The following MFSD2B variants were observed in gnomAD, a reference collection of about 807,000 sequenced individuals.
MFSD2B encodes the protein MFSD2 lysolipid transporter B, sphingolipid.
A neutral mutation model predicts 58.4 loss-of-function variants in MFSD2B; 56 were observed. The ratio of observed to expected loss-of-function variants is 0.96; its 90% confidence interval spans 0.77 to 1.20. MFSD2B has a LOEUF of 1.20. Among genes scored for constraint, MFSD2B ranks in the 50% most tolerant of loss-of-function variants. MFSD2B has a pLI of 0.00. For synonymous variants in MFSD2B, 287 were observed against 294.4 expected (o/e 0.97, Z 0.26); for missense variants, 645 against 667.6 (o/e 0.97, Z 0.37).
In MFSD2B at chr2:24,023,316, C is replaced by G; in HGVS notation, c.1169+77C>G. On this transcript the variant is annotated intron_variant, in intron 11 of 13. Transcript: ENST00000338315. This position sits in a 1 kb window ranked among gnomAD's most constrained non-coding sequence, Gnocchi z 5.0. ...TCATGTAAACCTGCCGTCCCAGGCC[C>G]CCTGCACCCAGCCTGTGCAGGAGAT... The G allele has an allele frequency of 8.1e-7, 1 of 1,239,400 alleles. No individual in the cohort carries two copies. The highest frequency in any genetic ancestry group is 1.2e-5 in the South Asian group (1 of 81,340). 76.8% of individuals were successfully genotyped at this position (1,239,400 alleles called of 1,614,324 possible).
chr2:24,025,386 C>A, intron 13 of MFSD2B, 46 bp from the exon 14 acceptor site: 1 of 1,528,812 alleles, frequency 6.5e-7, no homozygotes, highest in Non-Finnish European at 8.8e-7. Context: ...GACAGAGGGC[C>A]CACACCACTT....
intron 6 of MFSD2B, among the ~76,000 whole-genome samples, chr2:24,018,003 C>T (rs111730556): frequency 3.5e-4 from 54 of 152,284 alleles, no homozygotes; most frequent in African/African-American, 9.6e-4. Flanking sequence ...GCCCCCAACC[C>T]GCAGCATGAA....
intron 2 of MFSD2B, among the ~76,000 whole-genome samples, chr2:24,014,497 G>C (rs1558320396): frequency 6.6e-6 from 1 of 152,130 alleles, no homozygotes; most frequent in East Asian, 1.9e-4. Flanking sequence ...GAAGTCAACA[G>C]ACTACACTAA....
chr2:24,011,052 A>ACGACTCT (rs1558318043), intron 1 of MFSD2B, among the ~76,000 whole-genome samples: 1 of 152,202 alleles, frequency 6.6e-6, no homozygotes, highest in Non-Finnish European at 1.5e-5. Flanking sequence ...GAATCCTCTT[A>ACGACTCT]CGACTCTCCG....
In MFSD2B at chr2:24,026,094, G is replaced by A. The variant is rs74425448; in HGVS notation, c.*638G>A. 8.6e-3 allele frequency: 1,316 copies of A among 152,542 alleles called. 10 individuals are homozygous for A. The highest frequency in any genetic ancestry group is 0.038 in the South Asian group (185 of 4,828). The allele number at this position is 152,542 out of a possible 1,614,324, so 9.4% of individuals were successfully genotyped here. A position where few individuals can be genotyped will look rare whatever the true frequency, so the allele number is the denominator to read the frequency against. ...AGCTGGGATTACAGACACAGCCCCC[G>A]TTCCCAGCTCTAGCATTTCTTAAGG... On this transcript the variant is annotated 3_prime_UTR_variant, in exon 14 of 14. Transcript: ENST00000338315.
chr2:24,011,540 G>A (rs1260873415), intron 1 of MFSD2B, among the ~76,000 whole-genome samples: 1 of 152,170 alleles, frequency 6.6e-6, no homozygotes, highest in African/African-American at 2.4e-5. Flanking sequence ...CTGCTGGGGT[G>A]TCCTGCAAGA....
rs60606664 is a variant in MFSD2B at position 24,013,295 on chromosome 2, C to A, written c.107C>A (p.Ala36Asp). The A allele has an allele frequency of 2.0e-3, 3,127 of 1,602,804 alleles. 50 individuals carry two copies. In the African/African-American group the frequency reaches 0.038, roughly 19 times the overall value. Residue 36 changes from alanine to aspartate, a missense_variant, in exon 2 of 14, where the codon GCC (alanine) becomes GAC (aspartate). Ala to Asp is a moderately radical substitution (Grantham distance 126). Coordinates refer to ENST00000338315, the MANE Select transcript of MFSD2B (RefSeq NM_001346880.2). ...SAKRGREDSR[A>D]GRLSFCTKVC... ...CTGTGTCTCCTCCAGGACAGCAGAG[C>A]CGGTCGCCTCTCATTCTGTACAAAG...
intron 1 of MFSD2B, among the ~76,000 whole-genome samples, chr2:24,011,773 G>A (rs1708961270): frequency 6.6e-6 from 1 of 152,218 alleles, no homozygotes; most frequent in Admixed American, 6.5e-5. Flanking sequence ...CTCTCAGAGA[G>A]CTTACATTCC....
chr2:24,023,859 G>A lies in MFSD2B; in HGVS notation c.1313+133G>A. ...AGCGCTACTCTTTGGAGAGTGTGGGGAACCACTTCCCCAGGTTTCTCTGTG... is the reference window on the plus strand; with the variant it reads ...AGCGCTACTCTTTGGAGAGTGTGGGAAACCACTTCCCCAGGTTTCTCTGTG... On this transcript the variant is annotated intron_variant, in intron 12 of 13. Transcript: ENST00000338315. This position sits in a 1 kb window ranked among gnomAD's most constrained non-coding sequence, Gnocchi z 5.0. The A allele has an allele frequency of 8.5e-7, 1 of 1,177,612 alleles. No homozygotes were observed. Among genetic ancestry groups the A allele is most frequent in the Non-Finnish European group, 1.2e-6 (1 of 830,350 alleles). 72.9% of individuals were successfully genotyped at this position (1,177,612 alleles called of 1,614,324 possible).
chr2:24,019,708 C>CT (rs1662687730), intron 6 of MFSD2B, among the ~76,000 whole-genome samples: 1 of 152,122 alleles, frequency 6.6e-6, no homozygotes. Flanking sequence ...GGGCAATCAC[C>CT]TTGCCTATGT....
chr2:24,023,583 G>T lies in MFSD2B; in HGVS notation c.1170G>T (p.Trp390Cys), dbSNP rs763209957. 2 of 1,613,500 alleles carry T rather than the reference G, an allele frequency of 1.2e-6. No homozygotes were observed. The highest frequency in any genetic ancestry group is 1.7e-5 in the Admixed American group (1 of 59,936). Residue 390 changes from tryptophan (W) to cysteine (C), a missense_variant and splice_region_variant, in exon 12 of 14, where the codon TGG (tryptophan) becomes TGT (cysteine). Coordinates refer to ENST00000338315, the MANE Select transcript of MFSD2B (RefSeq NM_001346880.2). This position sits in a 1 kb window ranked among gnomAD's most constrained non-coding sequence, Gnocchi z 5.0. ...VSIAVSLLLP[W>C]SMLPDVVDDF... ...GGCTAACTCCACACCCCCGCCGCAG[G>T]TCCATGCTGCCAGACGTGGTGGATG... is the stretch of plus-strand genomic sequence containing the variant.
chr2:24,017,655 A>G lies in MFSD2B; in HGVS notation c.681+67A>G, dbSNP rs1346414008. ...CTCTGCAGGGTCACCTCCTTCCTCT[A>G]GGGCTGGTTCTCCCGTCCACACCAC... On this transcript the variant is annotated intron_variant, in intron 6 of 13. Coordinates refer to ENST00000338315, the MANE Select transcript of MFSD2B (RefSeq NM_001346880.2). The surrounding 1 kb of genome is among the most constrained non-coding windows in gnomAD (Gnocchi z 4.8). 4.1e-6 allele frequency: 6 copies of G among 1,472,506 alleles called. No individual in the cohort carries two copies. Among genetic ancestry groups the G allele is most frequent in the Non-Finnish European group, 5.5e-6 (6 of 1,100,530 alleles). 91.2% of individuals were successfully genotyped at this position (1,472,506 alleles called of 1,614,324 possible). A position where few individuals can be genotyped will look rare whatever the true frequency, so the allele number is the denominator to read the frequency against.
rs1347341368 is a variant in MFSD2B at position 24,022,282 on chromosome 2, A to G, written c.895-151A>G. ...AGTGGTGTTTGTATCTGTGTTGGGGATAAGTGTCCTTTGTGGGGGAAGGGA... is the reference window on the plus strand; with the variant it reads ...AGTGGTGTTTGTATCTGTGTTGGGGGTAAGTGTCCTTTGTGGGGGAAGGGA... On this transcript the variant is annotated intron_variant, in intron 8 of 13. Transcript: ENST00000338315. The surrounding 1 kb of genome is among the most constrained non-coding windows in gnomAD (Gnocchi z 4.5). 3 of 719,196 alleles carry G rather than the reference A, an allele frequency of 4.2e-6. No individual in the cohort carries two copies. The highest frequency in any genetic ancestry group is 7.3e-6 in the Non-Finnish European group (3 of 410,538). The allele number at this position is 719,196 out of a possible 1,614,324, so 44.6% of individuals were successfully genotyped here.
Position 24,021,534 on chromosome 2 carries a change from T to G in MFSD2B, c.682-114T>G. On this transcript the variant is annotated intron_variant, in intron 6 of 13. Transcript: ENST00000338315. The surrounding 1 kb of genome is among the most constrained non-coding windows in gnomAD (Gnocchi z 5.7). ...GAGGTGGGGACCCAGCGTCCTGGGC[T>G]TGGGTTGTGCCTCCCTCCGCTCCCA... The G allele has an allele frequency of 1.1e-6, 1 of 922,028 alleles. No homozygotes were observed. Among genetic ancestry groups the G allele is most frequent in the South Asian group, 1.6e-5 (1 of 64,414 alleles). 57.1% of individuals were successfully genotyped at this position (922,028 alleles called of 1,614,324 possible).
At chr2:24,016,115 G>A in intron 2 of MFSD2B, 41 bp from the exon 3 acceptor site, 3 of 1,610,732 alleles carry the variant, frequency 1.9e-6, no homozygotes, top group Admixed American at 1.7e-5. Flanking sequence ...CTCTGCTGCT[G>A]CTGGGCCTCA....
Position 24,020,277 on chromosome 2 carries a change from C to A in MFSD2B, c.682-1371C>A, listed in dbSNP as rs1662720344. Among the ~76,000 whole-genome samples, 1 of 152,112 alleles carries A rather than the reference C, an allele frequency of 6.6e-6. No individual in the cohort carries two copies. The highest frequency in any genetic ancestry group is 2.4e-5 in the African/African-American group (1 of 41,418). ...CTGGATGCTCTTGGTGGCTCACAAC[C>A]CACTGTCCCATCAGATTTCACTTAC... On this transcript the variant is annotated intron_variant, in intron 6 of 13. Transcript: ENST00000338315. This position sits in a 1 kb window ranked among gnomAD's most constrained non-coding sequence, Gnocchi z 4.1.
Position 24,024,306 on chromosome 2 carries a change from A to G in MFSD2B, c.1490+35A>G. 8 of 1,562,270 alleles carry G rather than the reference A, an allele frequency of 5.1e-6. No homozygotes were observed. The highest frequency in any genetic ancestry group is 6.9e-6 in the Non-Finnish European group (8 of 1,155,888). On this transcript the variant is annotated intron_variant, in intron 13 of 13. Coordinates refer to ENST00000338315, the MANE Select transcript of MFSD2B (RefSeq NM_001346880.2). The surrounding 1 kb of genome is among the most constrained non-coding windows in gnomAD (Gnocchi z 4.3). ...GCACGCCCCCTGCAGCCAGCGAGGCACAGTGTGGGCTGCTGGGGGAATGAC... is the reference window on the plus strand; with the variant it reads ...GCACGCCCCCTGCAGCCAGCGAGGCGCAGTGTGGGCTGCTGGGGGAATGAC...
Position 24,023,517 on chromosome 2 carries a change from C to T in MFSD2B, c.1170-66C>T, listed in dbSNP as rs138437928. The stretch of plus-strand genomic sequence containing the variant: ...GATGAATCCACTTTGGCCTCCGTCC[C>T]CAGAGAATTCACAGGCTGCTGGTGG... On this transcript the variant is annotated intron_variant, in intron 11 of 13. Transcript: ENST00000338315. This position sits in a 1 kb window ranked among gnomAD's most constrained non-coding sequence, Gnocchi z 5.0. The T allele has an allele frequency of 1.3e-4, 208 of 1,545,966 alleles. 2 individuals carry two copies. In the East Asian group the frequency reaches 4.9e-3, roughly 36 times the overall value.
chr2:24,022,726 C>G lies in MFSD2B; in HGVS notation c.979-96C>G, dbSNP rs1011330418. 2.1e-5 allele frequency: 21 copies of G among 996,076 alleles called. No homozygotes were observed. The highest frequency in any genetic ancestry group is 2.9e-5 in the Admixed American group (1 of 35,020). 61.7% of individuals were successfully genotyped at this position (996,076 alleles called of 1,614,324 possible). On this transcript the variant is annotated intron_variant, in intron 9 of 13. Transcript: ENST00000338315. The surrounding 1 kb of genome is among the most constrained non-coding windows in gnomAD (Gnocchi z 4.5). ...CACCGGTTTGAACCAGGGGCAAGGC[C>G]AAGGTCAGGCATCCAATCTAAAAGC...
Sources: gnomAD v4.1 joint callset for allele counts (sites outside exome capture counted in the v4.1 genomes callset) on GRCh38, gnomAD v4.1.1 for gene constraint, Gnocchi (gnomAD v3.1) non-coding constraint, MANE v1.5 for transcripts, NCBI Gene and HGNC (gene_info 2026-07-23, HGNC 2026-07-21) for gene names.